Variants in GSG1L2 observed in about 807,000 individuals in gnomAD.
The protein encoded by GSG1L2 is germ cell-specific gene 1-like protein 2.
In GSG1L2, 15 loss-of-function variants were observed where a neutral mutation model predicts 9.0. That is an observed-to-expected ratio of 1.67 (90% CI 1.12 to 2.57). The LOEUF is 2.57. GSG1L2 is among the 30% of genes most tolerant of loss of function. The pLI, the probability that GSG1L2 is intolerant of heterozygous loss-of-function variation, is 0.00. For missense variants in GSG1L2, 286 were observed against 150.3 expected (o/e 1.90, Z -4.72); for synonymous variants, 127 against 57.9 (o/e 2.19, Z -5.41).
intron 1 of GSG1L2, among the ~76,000 whole-genome samples, chr17:9,812,061 C>T (rs758394255): frequency 2.6e-5 from 4 of 152,210 alleles, no homozygotes; most frequent in Non-Finnish European, 4.4e-5. Context: ...ACAATACTTA[C>T]GAAACTTCTA....
At chr17:9,810,642 C>T in intron 1 of GSG1L2, 24 bp from the exon 2 acceptor site, 1 of 702,948 alleles carries the variant, frequency 1.4e-6, no homozygotes, top group Non-Finnish European at 2.6e-6. Context: ...AGAATGCATC[C>T]AGAAGTGGGT....
rs1308196085 is a variant in GSG1L2 at position 9,807,461 on chromosome 17, G to A, written c.623+29C>T. On this transcript the variant is annotated intron_variant, in intron 4 of 4. Transcript: ENST00000399363. Reference sequence around the variant, plus strand: ...ATGTGCATCTCTCCTGATCCTCCAGGACTTCAGCACCATGACCAAGCAACT... The same window carrying A: ...ATGTGCATCTCTCCTGATCCTCCAGAACTTCAGCACCATGACCAAGCAACT... 3 of 702,532 alleles carry A rather than the reference G, an allele frequency of 4.3e-6. No homozygotes were observed. The East Asian group carries it at 8.1e-5, about 19-fold the overall frequency. The allele number at this position is 702,532 out of a possible 1,614,324, so 43.5% of individuals were successfully genotyped here.
chr17:9,821,341 G>A (rs570289125), intron 1 of GSG1L2, among the ~76,000 whole-genome samples: 22 of 152,306 alleles, frequency 1.4e-4, no homozygotes, highest in Non-Finnish European at 2.6e-4. Flanking sequence ...ATGCACCTTC[G>A]AGTTGGGTCG....
At chr17:9,814,909 A>T (rs2066553655) in intron 1 of GSG1L2, among the ~76,000 whole-genome samples, 1 of 152,150 alleles carries the variant, frequency 6.6e-6, no homozygotes, top group African/African-American at 2.4e-5. Flanking sequence ...TCTAAAATCC[A>T]CACATTTTGT....
chr17:9,816,617 T>TGC (rs2066564271), intron 1 of GSG1L2, among the ~76,000 whole-genome samples: 1 of 138,366 alleles, frequency 7.2e-6, no homozygotes, highest in African/African-American at 2.7e-5. Flanking sequence ...TGTGTCTGTG[T>TGC]GTCTGTTTTG....
At chr17:9,818,873 T>C (rs2066578401) in intron 1 of GSG1L2, among the ~76,000 whole-genome samples, 1 of 152,198 alleles carries the variant, frequency 6.6e-6, no homozygotes, top group Non-Finnish European at 1.5e-5. Flanking sequence ...ATCATATTTG[T>C]CCTTGTTCGT....
rs753161434 is a variant in GSG1L2, at chr17:9,802,535, T to C, written c.733A>G (p.Ser245Gly). ...AGGAAGCTGTGTTGAGAGTGCCGAC[T>C]GCCGTTCTGTGCCTGCTGCTTCTCG... ...FTEKQQAQNG[S>G]RHSQHSFLEP... Residue 245 changes from serine to glycine, a missense_variant, in exon 5 of 5, where the codon AGT becomes GGT. Coordinates refer to ENST00000399363, the MANE Select transcript of GSG1L2 (RefSeq NM_001310219.2). 8.5e-6 allele frequency: 6 copies of C among 702,526 alleles called. No individual in the cohort carries two copies. Among genetic ancestry groups the C allele is most frequent in the South Asian group, 7.4e-5 (5 of 67,542 alleles). The allele number at this position is 702,526 out of a possible 1,614,324, so 43.5% of individuals were successfully genotyped here.
intron 1 of GSG1L2, among the ~76,000 whole-genome samples, chr17:9,813,780 CACA>C (rs2066548783): frequency 6.6e-6 from 1 of 152,216 alleles, no homozygotes; most frequent in South Asian, 2.1e-4. Context: ...CATTTACATC[CACA>C]ACGCCTGGCA....
At chr17:9,809,338 C>T (rs1418847283) in intron 2 of GSG1L2, 4 of 327,314 alleles carry the variant, frequency 1.2e-5, no homozygotes, top group African/African-American at 6.5e-5. Flanking sequence ...GTCTGGCTGA[C>T]TTCAAGAACG....
In GSG1L2 at chr17:9,801,748, C is replaced by G. The variant is rs553665277; in HGVS notation, c.*638G>C. Among the ~76,000 whole-genome samples the G allele has an allele frequency of 6.6e-6, 1 of 152,350 alleles. No homozygotes were observed. The highest frequency in any genetic ancestry group is 1.9e-4 in the East Asian group (1 of 5,182). ...AACTCAAACATGTGTTCCACTTAAA[C>G]TAAGATAAGATGTCATTCCATTTGA... is the stretch of plus-strand genomic sequence containing the variant. On this transcript the variant is annotated 3_prime_UTR_variant, in exon 5 of 5. Coordinates refer to ENST00000399363, the MANE Select transcript of GSG1L2 (RefSeq NM_001310219.2).
At chr17:9,814,194 G>A (rs12940717) in intron 1 of GSG1L2, among the ~76,000 whole-genome samples, 20,643 of 152,142 alleles carry the variant, frequency 0.14, 1,476 homozygotes, top group Middle Eastern at 0.19. Context: ...TCGGCCTCCC[G>A]AAGTGCTGGG....
chr17:9,809,300 G>A, intron 2 of GSG1L2: 1 of 378,712 alleles, frequency 2.6e-6, no homozygotes, highest in Non-Finnish European at 5.0e-6. Context: ...CATTGTGTCT[G>A]GAGTTGGTTC....
intron 4 of GSG1L2, chr17:9,804,816 A>AG (rs1567708531): frequency 6.6e-6 from 1 of 152,254 alleles, no homozygotes; most frequent in Non-Finnish European, 1.5e-5. Context: ...ACAACAAAGC[A>AG]GGGAGGGGAA....
intron 2 of GSG1L2, chr17:9,809,450 A>C (rs9912329): frequency 0.51 from 84,023 of 166,000 alleles, 21,949 homozygotes; most frequent in African/African-American, 0.65. Flanking sequence ...AAGGACGAAC[A>C]CTCCAAACCA....
chr17:9,812,745 C>T (rs950563944), intron 1 of GSG1L2, among the ~76,000 whole-genome samples: 1 of 152,152 alleles, frequency 6.6e-6, no homozygotes, highest in African/African-American at 2.4e-5. Flanking sequence ...CTCAACTTCC[C>T]AAGTAGCTGG....
intron 1 of GSG1L2, among the ~76,000 whole-genome samples, chr17:9,819,427 G>T (rs1391053348): frequency 6.6e-6 from 1 of 152,186 alleles, no homozygotes; most frequent in Non-Finnish European, 1.5e-5. Context: ...TGTCTAAGAT[G>T]AAGCCATGGC....
intron 1 of GSG1L2, among the ~76,000 whole-genome samples, chr17:9,811,872 T>G (rs1190386894): frequency 6.6e-6 from 1 of 152,146 alleles, no homozygotes; most frequent in South Asian, 2.1e-4. Context: ...CAAAGATGCC[T>G]GAGACAAGGG....
intron 1 of GSG1L2, among the ~76,000 whole-genome samples, chr17:9,813,311 T>C (rs1006780951): frequency 1.3e-5 from 2 of 152,154 alleles, no homozygotes; most frequent in South Asian, 2.1e-4. Context: ...GATGTAACCA[T>C]TTCCTGGAGC....
At chr17:9,819,511 G>A (rs539364728) in intron 1 of GSG1L2, among the ~76,000 whole-genome samples, 1 of 152,354 alleles carries the variant, frequency 6.6e-6, no homozygotes, top group African/African-American at 2.4e-5. Flanking sequence ...GGTTTCTCCT[G>A]AAGTGTGGGA....
Sources: allele counts gnomAD v4.1 joint callset (sites outside exome capture counted in the v4.1 genomes callset), GRCh38; gene constraint gnomAD v4.1.1; transcripts MANE v1.5; gene names NCBI Gene and HGNC (gene_info 2026-07-23, HGNC 2026-07-21).